The following CEP112 variants were observed in gnomAD, a reference collection of about 807,000 sequenced individuals.
CEP112 encodes the protein centrosomal protein of 112 kDa.
A neutral mutation model predicts 153.0 loss-of-function variants in CEP112; 127 were observed. The ratio of observed to expected loss-of-function variants is 0.83; its 90% CI spans 0.72 to 0.96. The LOEUF is 0.96. CEP112 is among the 40% of genes least tolerant of loss of function. The pLI is 0.00. For synonymous variants in CEP112, 358 were observed against 374.4 expected (o/e 0.96, Z 0.51); for missense variants, 1,089 against 1,101.2 (o/e 0.99, Z 0.16).
intron 4 of CEP112, among the ~76,000 whole-genome samples, chr17:66,159,557 A>T (rs1568560042): frequency 6.6e-6 from 1 of 152,228 alleles, no homozygotes. Flanking sequence ...TATGCAAATC[A>T]ATAAATGTAA....
chr17:65,820,187 T>C (rs764633038), intron 21 of CEP112, among the ~76,000 whole-genome samples: 2 of 152,074 alleles, frequency 1.3e-5, no homozygotes, highest in African/African-American at 4.8e-5. Context: ...TTCCGATTTT[T>C]CCTAAGCTCA....
At chr17:65,735,262 C>T (rs930428608) in intron 23 of CEP112, among the ~76,000 whole-genome samples, 5 of 152,126 alleles carry the variant, frequency 3.3e-5, no homozygotes, top group African/African-American at 1.2e-4. Flanking sequence ...AAAACATCTG[C>T]CAAATACTCA....
intron 24 of CEP112, among the ~76,000 whole-genome samples, chr17:65,652,953 C>T (rs529050789): frequency 2.0e-5 from 3 of 152,324 alleles, no homozygotes; most frequent in East Asian, 3.9e-4. Context: ...GGCTCTCTTC[C>T]TGCTTCCAGT....
At chr17:66,099,504 CAAAAAA>C (rs71160532) in intron 6 of CEP112, among the ~76,000 whole-genome samples, 45,022 of 113,900 alleles carry the variant, frequency 0.4, 8,530 homozygotes, top group Non-Finnish European at 0.47. Flanking sequence ...AACTCTGTCT[CAAAAAA>C]AAAAAAAAAA....
At chr17:66,150,060 A>ATTTTT (rs772359218) in intron 4 of CEP112, among the ~76,000 whole-genome samples, 12 of 123,048 alleles carry the variant, frequency 9.8e-5, no homozygotes, top group Non-Finnish European at 2.1e-4. Context: ...TGCCCAGCTA[A>ATTTTT]TTTTTTTTTT....
At chr17:65,917,849 T>C (rs1040806464) in intron 19 of CEP112, among the ~76,000 whole-genome samples, 3 of 151,870 alleles carry the variant, frequency 2.0e-5, no homozygotes, top group African/African-American at 7.3e-5. Flanking sequence ...CTTTCCACCA[T>C]CTCCTTTTCC....
chr17:65,947,902 T>C (rs1287456228), intron 18 of CEP112, among the ~76,000 whole-genome samples: 3 of 152,270 alleles, frequency 2.0e-5, no homozygotes, highest in South Asian at 4.1e-4. Flanking sequence ...AAAAGGCTGA[T>C]TTAAAATTAC....
intron 21 of CEP112, among the ~76,000 whole-genome samples, chr17:65,827,729 C>G (rs1414169366): frequency 1.3e-5 from 2 of 152,202 alleles, no homozygotes; most frequent in Non-Finnish European, 2.9e-5. Flanking sequence ...CCAACTCCCC[C>G]ATGTCCACTA....
At chr17:65,825,483 C>T (rs897949854) in intron 21 of CEP112, among the ~76,000 whole-genome samples, 1 of 152,194 alleles carries the variant, frequency 6.6e-6, no homozygotes, top group African/African-American at 2.4e-5. Context: ...GGGACCCCTG[C>T]CCTAGAGCAT....
At chr17:65,725,703 C>T (rs1437138078) in intron 23 of CEP112, among the ~76,000 whole-genome samples, 1 of 152,118 alleles carries the variant, frequency 6.6e-6, no homozygotes, top group East Asian at 1.9e-4. Flanking sequence ...GCTGGGGAGG[C>T]CTCAGAATCA....
At chr17:65,880,725 G>C (rs1036013083) in intron 20 of CEP112, among the ~76,000 whole-genome samples, 1 of 152,152 alleles carries the variant, frequency 6.6e-6, no homozygotes, top group African/African-American at 2.4e-5. Context: ...TCTGAGGCTG[G>C]GGCTAGCTCA....
chr17:66,054,017 A>T, intron 11 of CEP112, 138 bp from the exon 12 acceptor site: 2 of 501,368 alleles, frequency 4.0e-6, no homozygotes, highest in Non-Finnish European at 3.4e-6. Flanking sequence ...AAAAACCACC[A>T]GTAAACATTC....
chr17:65,990,018 C>T (rs763417536), intron 17 of CEP112, among the ~76,000 whole-genome samples: 7 of 151,916 alleles, frequency 4.6e-5, no homozygotes, highest in Non-Finnish European at 8.8e-5. Flanking sequence ...AATGCAAAAA[C>T]CTATAATAGA....
chr17:65,805,822 T>A (rs2055565437), intron 21 of CEP112, among the ~76,000 whole-genome samples: 1 of 152,220 alleles, frequency 6.6e-6, no homozygotes, highest in Non-Finnish European at 1.5e-5. Context: ...TCTCTCAATG[T>A]TCTGCCTAAA....
At chr17:65,990,812 G>A (rs2063568380) in intron 17 of CEP112, among the ~76,000 whole-genome samples, 1 of 152,358 alleles carries the variant, frequency 6.6e-6, no homozygotes, top group Non-Finnish European at 1.5e-5. Flanking sequence ...AAAGGCTGAA[G>A]GGAATGCCTG....
chr17:65,901,328 A>C (rs1187481088), intron 20 of CEP112, among the ~76,000 whole-genome samples: 1 of 152,212 alleles, frequency 6.6e-6, no homozygotes, highest in African/African-American at 2.4e-5. Flanking sequence ...TTTTATTGTT[A>C]TCAATTGCTC....
intron 23 of CEP112, among the ~76,000 whole-genome samples, chr17:65,715,949 C>T (rs910956107): frequency 5.9e-5 from 9 of 152,068 alleles, no homozygotes; most frequent in African/African-American, 2.2e-4. Context: ...GTTGCTAATA[C>T]TAAAAATATG....
chr17:65,971,399 T>C (rs572349506), intron 17 of CEP112, among the ~76,000 whole-genome samples: 3 of 59,220 alleles, frequency 5.1e-5, no homozygotes, highest in South Asian at 1.3e-3. Flanking sequence ...ATATAGCATG[T>C]ATATTGCACC....
intron 6 of CEP112, among the ~76,000 whole-genome samples, chr17:66,108,407 A>T: frequency 6.6e-6 from 1 of 151,900 alleles, no homozygotes; most frequent in Non-Finnish European, 1.5e-5. Flanking sequence ...AGCTCAAACA[A>T]CTCTATAGGA....
Sources: allele counts gnomAD v4.1 joint callset (sites outside exome capture counted in the v4.1 genomes callset), GRCh38; gene constraint gnomAD v4.1.1; transcripts MANE v1.5; gene names NCBI Gene and HGNC (gene_info 2026-07-23, HGNC 2026-07-21).